RPS6KA5: variants seen among roughly 807,000 people sequenced by gnomAD.
RPS6KA5 encodes the protein ribosomal protein S6 kinase alpha-5.
RPS6KA5 carries 27 observed loss-of-function variants against 85.5 expected under a neutral mutation model. That is an observed-to-expected ratio of 0.32 (90% confidence interval 0.23 to 0.44). The LOEUF is 0.44. Ranked by LOEUF, RPS6KA5 falls within the 20% of genes least tolerant of loss-of-function variation. The pLI is 1.00. For synonymous variants in RPS6KA5, 334 were observed against 348.2 expected, an observed-to-expected ratio of 0.96 and a Z score of 0.46; for missense variants, 811 against 980.9, an observed-to-expected ratio of 0.83 and a Z score of 2.31.
chr14:91,039,812 A>C (rs1394501889), intron 1 of RPS6KA5, among the ~76,000 whole-genome samples: 1 of 152,224 alleles, frequency 6.6e-6, no homozygotes, highest in African/African-American at 2.4e-5. Flanking sequence ...ACAGGTGTCA[A>C]ATACAGTACC....
intron 1 of RPS6KA5, among the ~76,000 whole-genome samples, chr14:91,009,357 T>C (rs1294023045): frequency 6.6e-6 from 1 of 152,230 alleles, no homozygotes; most frequent in Non-Finnish European, 1.5e-5. Flanking sequence ...AACCTCCTGG[T>C]GCCTAGAACT....
intron 5 of RPS6KA5, among the ~76,000 whole-genome samples, chr14:90,934,293 T>C (rs1277987838): frequency 1.3e-4 from 20 of 152,146 alleles, no homozygotes; most frequent in Admixed American, 1.3e-3. Context: ...AGTGGGCACA[T>C]AAACTCAGTT....
chr14:90,953,147 G>A (rs369316447), intron 3 of RPS6KA5, among the ~76,000 whole-genome samples: 7 of 152,222 alleles, frequency 4.6e-5, no homozygotes, highest in South Asian at 2.1e-4. Flanking sequence ...AGCTGGAGCC[G>A]TGGCAGAGGA....
chr14:91,024,891 ATT>A, intron 1 of RPS6KA5, among the ~76,000 whole-genome samples: 1 of 151,434 alleles, frequency 6.6e-6, no homozygotes, highest in South Asian at 2.1e-4. Flanking sequence ...TTTTTTTTAA[ATT>A]TTTTTTGAGA....
chr14:90,924,742 C>T (rs1261138801), intron 5 of RPS6KA5, among the ~76,000 whole-genome samples: 2 of 152,076 alleles, frequency 1.3e-5, no homozygotes, highest in Non-Finnish European at 2.9e-5. Context: ...AGTGATTAGC[C>T]AATCAAGGAG....
Position 90,890,531 on chromosome 14 carries a change from C to A in RPS6KA5, c.1792G>T (p.Gly598Cys). The change falls in exon 14 of 17, where the codon GGC becomes TGC. Residue 598 changes from glycine to cysteine, a missense_variant. Gly to Cys is a radical substitution (Grantham distance 159). Transcript: ENST00000614987. ...CACAGGTCACAGGACTCATCGTAGC[C>A]GTTCTGATTCAAGAGCTCTGGGGCG... The part of the protein sequence containing the change: ...YAAPELLNQN[G>C]YDESCDLWSL... The A allele has an allele frequency of 6.2e-7, 1 of 1,614,078 alleles. No homozygotes were observed. Among genetic ancestry groups the A allele is most frequent in the Non-Finnish European group, 8.5e-7 (1 of 1,179,996 alleles).
chr14:91,058,506 T>C (rs746231185), intron 1 of RPS6KA5, among the ~76,000 whole-genome samples: 2 of 152,222 alleles, frequency 1.3e-5, no homozygotes, highest in Non-Finnish European at 2.9e-5. Context: ...CTGAGAAGCA[T>C]ATGACTTCAA....
chr14:90,911,370 T>G (rs1195844021), intron 7 of RPS6KA5: 1 of 152,262 alleles, frequency 6.6e-6, no homozygotes, highest in African/African-American at 2.4e-5. Context: ...TCTTTTGCTT[T>G]TCTGCAGATG....
chr14:90,993,965 C>T (rs752046754), intron 2 of RPS6KA5, among the ~76,000 whole-genome samples: 2 of 151,790 alleles, frequency 1.3e-5, no homozygotes, highest in Non-Finnish European at 2.9e-5. Context: ...CATAACTCAC[C>T]GTGGCCTTAA....
At chr14:90,925,776 TA>T (rs539281208) in intron 5 of RPS6KA5, among the ~76,000 whole-genome samples, 4,928 of 133,938 alleles carry the variant, frequency 0.037, 261 homozygotes, top group African/African-American at 0.12. Context: ...ACAAAAAAAT[TA>T]AAAAAAAAAA....
intron 2 of RPS6KA5, among the ~76,000 whole-genome samples, chr14:90,998,537 G>C (rs1396082058): frequency 1.3e-5 from 2 of 152,174 alleles, no homozygotes; most frequent in Admixed American, 6.5e-5. Context: ...AGTCACCACA[G>C]AACTGTGATC....
intron 1 of RPS6KA5, among the ~76,000 whole-genome samples, chr14:91,013,208 T>C (rs929760677): frequency 3.3e-5 from 5 of 152,226 alleles, no homozygotes; most frequent in Middle Eastern, 3.2e-3. Context: ...ATGTAAGCTA[T>C]AGTATATTAA....
rs568406390 is a variant in RPS6KA5, at chr14:90,962,287, A to T, written c.395-14737T>A. On this transcript the variant is annotated intron_variant, in intron 3 of 16. Coordinates refer to ENST00000614987, the MANE Select transcript of RPS6KA5 (RefSeq NM_004755.4). ...AATTTTTTCCTAAGGGTTTTTTTTTACAAAAAACTTATCTTGGCACAGTTT... is the reference window on the plus strand; with the variant it reads ...AATTTTTTCCTAAGGGTTTTTTTTTTCAAAAAACTTATCTTGGCACAGTTT... 5.6e-4 allele frequency among the ~76,000 whole-genome samples: 78 copies of T among 138,152 alleles called. No homozygotes were observed. The Middle Eastern group carries it at 0.011, about 19-fold the overall frequency. 90.6% of individuals were successfully genotyped at this position (138,152 alleles called of 152,430 possible). A position where few individuals can be genotyped will look rare whatever the true frequency, so the allele number is the denominator to read the frequency against.
At chr14:90,901,975 G>T (rs1196006186) in intron 9 of RPS6KA5, among the ~76,000 whole-genome samples, 1 of 151,014 alleles carries the variant, frequency 6.6e-6, no homozygotes. Context: ...TGAGGCCAGA[G>T]TTCAAGACCA....
At chr14:90,911,994 C>T (rs907650144) in intron 7 of RPS6KA5, among the ~76,000 whole-genome samples, 1 of 152,036 alleles carries the variant, frequency 6.6e-6, no homozygotes, top group African/African-American at 2.4e-5. Flanking sequence ...GGGGTACTTC[C>T]CCACCATCTT....
At chr14:91,013,846 A>C (rs772421956) in intron 1 of RPS6KA5, among the ~76,000 whole-genome samples, 5 of 152,226 alleles carry the variant, frequency 3.3e-5, no homozygotes, top group Non-Finnish European at 7.3e-5. Context: ...CAAAATTCAT[A>C]AAGGCTACAC....
intron 16 of RPS6KA5, among the ~76,000 whole-genome samples, chr14:90,873,085 GT>G (rs1269032741): frequency 6.6e-6 from 1 of 151,186 alleles, no homozygotes; most frequent in African/African-American, 2.4e-5. Context: ...GTGACTTTCT[GT>G]TTCCCTAACT....
At chr14:90,907,890 T>G (rs1445235687) in intron 7 of RPS6KA5, among the ~76,000 whole-genome samples, 1 of 152,228 alleles carries the variant, frequency 6.6e-6, no homozygotes, top group Admixed American at 6.5e-5. Flanking sequence ...TTTTCCCATT[T>G]TCTCCACCTC....
intron 1 of RPS6KA5, among the ~76,000 whole-genome samples, chr14:91,033,580 C>A (rs1034613543): frequency 7.2e-5 from 11 of 152,134 alleles, no homozygotes; most frequent in African/African-American, 2.7e-4. Context: ...CCAGCCTGGG[C>A]AACAGAGCAA....
Sources: allele counts gnomAD v4.1 joint callset (sites outside exome capture counted in the v4.1 genomes callset), GRCh38; gene constraint gnomAD v4.1.1; transcripts MANE v1.5; gene names NCBI Gene and HGNC (gene_info 2026-07-23, HGNC 2026-07-21).